Variants in CAMTA1 observed in about 807,000 individuals in gnomAD.
The protein encoded by CAMTA1 is calmodulin-binding transcription activator 1.
A neutral mutation model predicts 170.9 loss-of-function variants in CAMTA1; 27 were observed. That is an observed-to-expected ratio of 0.16 (90% CI 0.12 to 0.22). The LOEUF (loss-of-function observed/expected upper bound fraction) is 0.22, where lower values mean the gene tolerates loss of function less well. Ranked by LOEUF, CAMTA1 falls within the 10% of genes least tolerant of loss-of-function variation. The probability of loss-of-function intolerance (pLI) is 1.00; values close to 1 mark genes in which losing one functional copy is unlikely to be tolerated. For missense variants in CAMTA1, 1,619 were observed against 2,217.2 expected, an observed-to-expected ratio of 0.73 and a Z score of 5.42; for synonymous variants, 833 against 891.5, an observed-to-expected ratio of 0.93 and a Z score of 1.17.
At chr1:7,388,696 G>A (rs1302995633) in intron 5 of CAMTA1, among the ~76,000 whole-genome samples, 2 of 152,206 alleles carry the variant, frequency 1.3e-5, no homozygotes, top group Non-Finnish European at 2.9e-5. Flanking sequence ...GCCTTCCTGA[G>A]GCCCAAGCCC....
chr1:6,975,771 A>T (rs1693314276), intron 3 of CAMTA1, among the ~76,000 whole-genome samples: 1 of 152,134 alleles, frequency 6.6e-6, no homozygotes, highest in South Asian at 2.1e-4. Context: ...AATCGCCCCA[A>T]AAGGAAGCCT....
chr1:6,922,388 G>A (rs1682206733), intron 3 of CAMTA1, among the ~76,000 whole-genome samples: 1 of 93,324 alleles, frequency 1.1e-5, no homozygotes. Context: ...CTTGGTTCTG[G>A]GGCTGGCCCA....
At chr1:6,961,495 T>C (rs1690402164) in intron 3 of CAMTA1, among the ~76,000 whole-genome samples, 1 of 152,034 alleles carries the variant, frequency 6.6e-6, no homozygotes, top group South Asian at 2.1e-4. Flanking sequence ...GCGTTCCTGC[T>C]GGCCATTGCT....
chr1:6,907,877 G>A (rs577033778), intron 3 of CAMTA1, among the ~76,000 whole-genome samples: 1 of 152,162 alleles, frequency 6.6e-6, no homozygotes, highest in Non-Finnish European at 1.5e-5. Flanking sequence ...AGCCTCTCCC[G>A]CCCCACTGTC....
intron 5 of CAMTA1, among the ~76,000 whole-genome samples, chr1:7,423,030 A>T (rs908941122): frequency 1.3e-5 from 2 of 152,016 alleles, no homozygotes; most frequent in African/African-American, 4.8e-5. Flanking sequence ...CATTAATCTC[A>T]ATCAGGAGCC....
At chr1:7,208,095 G>A (rs993455936) in intron 4 of CAMTA1, among the ~76,000 whole-genome samples, 1 of 152,258 alleles carries the variant, frequency 6.6e-6, no homozygotes, top group Non-Finnish European at 1.5e-5. Context: ...CACCCTCCAG[G>A]CAACTGGGGA....
In CAMTA1 at chr1:7,050,751, C is replaced by T. The variant is rs1558026444; in HGVS notation, c.235-40553C>T. The stretch of plus-strand genomic sequence containing the variant: ...GAGTATGGTGGGGAGGGGAAGGAGC[C>T]CCAGGGGGCCTTGGCCTCCACGAGT... On this transcript the variant is annotated intron_variant, in intron 3 of 22. Transcript: ENST00000303635. The surrounding 1 kb of genome is among the most constrained non-coding windows in gnomAD (Gnocchi z 4.8). Among the ~76,000 whole-genome samples the T allele has an allele frequency of 6.6e-6, 1 of 152,006 alleles. No individual in the cohort carries two copies.
chr1:7,309,843 C>CT (rs1281593676), intron 5 of CAMTA1, among the ~76,000 whole-genome samples: 25 of 151,818 alleles, frequency 1.6e-4, no homozygotes, highest in Non-Finnish European at 1.5e-4. Context: ...CCTTTACTCC[C>CT]TCACCCCTTA....
At position 7,673,400 on chromosome 1, in the gene CAMTA1, C is replaced by T. The variant is rs920164130; in HGVS notation, c.2779+2363C>T. ...AGAGGAGGTGTGTGAAGCACCTGGCCCAGTGCTCCATTCCTGAAGGGTTCC... is the reference window on the plus strand; with the variant it reads ...AGAGGAGGTGTGTGAAGCACCTGGCTCAGTGCTCCATTCCTGAAGGGTTCC... On this transcript the variant is annotated intron_variant, in intron 10 of 22. Coordinates refer to ENST00000303635, the MANE Select transcript of CAMTA1 (RefSeq NM_015215.4). The surrounding 1 kb of genome is among the most constrained non-coding windows in gnomAD (Gnocchi z 4.6). Among the ~76,000 whole-genome samples, 2 of 152,182 alleles carry T rather than the reference C, an allele frequency of 1.3e-5. No homozygotes were observed. The highest frequency in any genetic ancestry group is 4.8e-5 in the African/African-American group (2 of 41,432).
At chr1:7,406,151 CA>C (rs2090271357) in intron 5 of CAMTA1, among the ~76,000 whole-genome samples, 1 of 152,246 alleles carries the variant, frequency 6.6e-6, no homozygotes, top group Non-Finnish European at 1.5e-5. Context: ...GTCCAGTCTC[CA>C]GATTGCTTTG....
Position 7,634,440 on chromosome 1 carries a change from T to A in CAMTA1, c.511-5960T>A, listed in dbSNP as rs1392124899. On this transcript the variant is annotated intron_variant, in intron 6 of 22. Coordinates refer to ENST00000303635, the MANE Select transcript of CAMTA1 (RefSeq NM_015215.4). The surrounding 1 kb of genome is among the most constrained non-coding windows in gnomAD (Gnocchi z 6.2). ...TCGGCCATGGGAAGTCATGGGGATT[T>A]TGAGGCCTTCGAGGGGTGCCGTCAA... Among the ~76,000 whole-genome samples the A allele has an allele frequency of 1.3e-5, 2 of 151,918 alleles. No individual in the cohort carries two copies. Among genetic ancestry groups the A allele is most frequent in the Non-Finnish European group, 2.9e-5 (2 of 67,966 alleles).
intron 6 of CAMTA1, among the ~76,000 whole-genome samples, chr1:7,527,556 C>A (rs1417462925): frequency 1.3e-5 from 2 of 152,146 alleles, no homozygotes; most frequent in Admixed American, 1.3e-4. Context: ...GGGTCCTGGC[C>A]CTGCAGAGGG....
intron 3 of CAMTA1, among the ~76,000 whole-genome samples, chr1:7,016,584 A>T (rs1483086569): frequency 6.6e-6 from 1 of 152,264 alleles, no homozygotes; most frequent in East Asian, 1.9e-4. Context: ...CTGTAATCCC[A>T]GCACTTGGGG....
At chr1:7,518,865 T>G (rs549488544) in intron 6 of CAMTA1, among the ~76,000 whole-genome samples, 1 of 152,080 alleles carries the variant, frequency 6.6e-6, no homozygotes, top group East Asian at 1.9e-4. Flanking sequence ...CATACCCTCA[T>G]TGAGTGCTCC....
rs554440297 is a variant in CAMTA1, at chr1:6,914,634, T to G, written c.234+89424T>G. ...GCTGTTTACCCACTGGTGGAACCTA[T>G]TCCCAGGCAGGCCCCTAGGAAGGGG... is the stretch of plus-strand genomic sequence containing the variant. On this transcript the variant is annotated intron_variant, in intron 3 of 22. Coordinates refer to ENST00000303635, the MANE Select transcript of CAMTA1 (RefSeq NM_015215.4). 4.6e-5 allele frequency among the ~76,000 whole-genome samples: 7 copies of G among 152,318 alleles called. No individual in the cohort carries two copies. In the South Asian group the frequency reaches 1.2e-3, roughly 27 times the overall value.
At chr1:7,148,933 C>A (rs1315544538) in intron 4 of CAMTA1, among the ~76,000 whole-genome samples, 1 of 152,246 alleles carries the variant, frequency 6.6e-6, no homozygotes, top group Non-Finnish European at 1.5e-5. Context: ...GTCCTGGGCA[C>A]CTGCTCAGGA....
intron 6 of CAMTA1, among the ~76,000 whole-genome samples, chr1:7,550,635 C>A (rs1192677008): frequency 6.6e-6 from 1 of 151,704 alleles, no homozygotes; most frequent in Non-Finnish European, 1.5e-5. Flanking sequence ...TGGCCCCTCA[C>A]CTAACCACAC....
At chr1:6,956,608 G>A (rs796252447) in intron 3 of CAMTA1, among the ~76,000 whole-genome samples, 54 of 152,282 alleles carry the variant, frequency 3.5e-4, no homozygotes, top group African/African-American at 1.2e-3. Flanking sequence ...TGAACTTGTC[G>A]GTGGCAGCAG....
chr1:7,188,925 C>T (rs1653993634), intron 4 of CAMTA1, among the ~76,000 whole-genome samples: 1 of 152,202 alleles, frequency 6.6e-6, no homozygotes, highest in Non-Finnish European at 1.5e-5. Flanking sequence ...ACCTTCTCAC[C>T]AGCAATGCAC....
Sources: gnomAD v4.1 joint callset for allele counts (sites outside exome capture counted in the v4.1 genomes callset) on GRCh38, gnomAD v4.1.1 for gene constraint, Gnocchi (gnomAD v3.1) non-coding constraint, MANE v1.5 for transcripts, NCBI Gene and HGNC (gene_info 2026-07-23, HGNC 2026-07-21) for gene names.